The following KIAA1549L variants were observed in gnomAD, a reference collection of about 807,000 sequenced individuals.
KIAA1549L encodes UPF0606 protein KIAA1549L.
In KIAA1549L, 88 loss-of-function variants were observed where a neutral mutation model predicts 160.7. That is an observed-to-expected ratio of 0.55 (90% CI 0.46 to 0.65). The LOEUF (loss-of-function observed/expected upper bound fraction) is 0.65. Among genes scored for constraint, KIAA1549L ranks in the 30% least tolerant of loss-of-function variants. KIAA1549L has a pLI of 0.00. For missense variants in KIAA1549L, 2,258 were observed against 2,437.5 expected, an observed-to-expected ratio of 0.93 and a Z score of 1.55; for synonymous variants, 950 against 976.7, an observed-to-expected ratio of 0.97 and a Z score of 0.51.
intron 11 of KIAA1549L, 71 bp downstream of exon 11, chr11:33,583,572 C>A: frequency 1.4e-6 from 2 of 1,386,040 alleles, no homozygotes; most frequent in South Asian, 2.8e-5. Context: ...TTCCCTCTTG[C>A]CTTTTGAGGC....
rs531015990 is a variant in KIAA1549L, at chr11:33,452,029, G to A, written c.238+75140G>A. On this transcript the variant is annotated intron_variant, in intron 1 of 20. Coordinates refer to ENST00000658780, the MANE Select transcript of KIAA1549L (RefSeq NM_012194.3). ...CTGGGTGTGCCTCATTCCAAAAACC[G>A]ATGATTTTCCCCATTGTGCTATGCT... Among the ~76,000 whole-genome samples, 19 of 152,264 alleles carry A rather than the reference G, an allele frequency of 1.2e-4. No homozygotes were observed. In the East Asian group the frequency reaches 2.3e-3, roughly 19 times the overall value.
chr11:33,552,044 T>G, intron 5 of KIAA1549L, 64 bp from the exon 6 acceptor site: 4 of 1,581,272 alleles, frequency 2.5e-6, no homozygotes, highest in Non-Finnish European at 3.5e-6. Context: ...TTATGACCAC[T>G]GTTAAATCCA....
At chr11:33,587,157 C>T (rs1475987686) in intron 11 of KIAA1549L, among the ~76,000 whole-genome samples, 3 of 152,116 alleles carry the variant, frequency 2.0e-5, no homozygotes, top group Non-Finnish European at 4.4e-5. Flanking sequence ...TAAATACTAC[C>T]TATAAGTTGG....
intron 16 of KIAA1549L, among the ~76,000 whole-genome samples, chr11:33,621,086 T>C (rs1244659325): frequency 6.6e-6 from 1 of 152,138 alleles, no homozygotes; most frequent in African/African-American, 2.4e-5. Flanking sequence ...GCAAAAGCAC[T>C]GGGAGATTGA....
At chr11:33,489,034 C>T (rs80068412) in intron 1 of KIAA1549L, among the ~76,000 whole-genome samples, 2,822 of 152,328 alleles carry the variant, frequency 0.019, 82 homozygotes, top group African/African-American at 0.062. Flanking sequence ...TGTGAAAAAT[C>T]TGAATGCTGT....
intron 3 of KIAA1549L, among the ~76,000 whole-genome samples, chr11:33,547,404 A>G (rs987300266): frequency 1.3e-5 from 2 of 152,218 alleles, no homozygotes; most frequent in African/African-American, 4.8e-5. Context: ...TTGAGGCCGC[A>G]GCACCGAGCT....
intron 1 of KIAA1549L, among the ~76,000 whole-genome samples, chr11:33,387,908 G>A (rs1850204348): frequency 1.3e-5 from 2 of 152,152 alleles, no homozygotes; most frequent in African/African-American, 4.8e-5. Context: ...CCCAGCCAAC[G>A]ATTTTCATTC....
At chr11:33,377,384 T>C (rs1453605091) in intron 1 of KIAA1549L, among the ~76,000 whole-genome samples, 2 of 152,210 alleles carry the variant, frequency 1.3e-5, no homozygotes, top group Admixed American at 1.3e-4. Flanking sequence ...CTCCAATAAT[T>C]GCTTGCACCT....
chr11:33,464,511 T>TGTGTGTGTGTGC (rs1491348414), intron 1 of KIAA1549L, among the ~76,000 whole-genome samples: 1 of 139,472 alleles, frequency 7.2e-6, no homozygotes, highest in African/African-American at 2.7e-5. Flanking sequence ...TGTGTGTGTG[T>TGTGTGTGTGTGC]GCGTGCGCGC....
chr11:33,584,083 A>G (rs1441152291), intron 11 of KIAA1549L, among the ~76,000 whole-genome samples: 3 of 152,208 alleles, frequency 2.0e-5, no homozygotes, highest in Non-Finnish European at 4.4e-5. Flanking sequence ...GGCCCTAGAG[A>G]GCTCTCTTCC....
At chr11:33,532,469 T>G (rs1853796607) in intron 1 of KIAA1549L, among the ~76,000 whole-genome samples, 1 of 152,242 alleles carries the variant, frequency 6.6e-6, no homozygotes, top group Non-Finnish European at 1.5e-5. Flanking sequence ...TTTACGCGTA[T>G]CAGCTCATTT....
chr11:33,517,692 T>G (rs1853380023), intron 1 of KIAA1549L, among the ~76,000 whole-genome samples: 1 of 152,138 alleles, frequency 6.6e-6, no homozygotes, highest in African/African-American at 2.4e-5. Flanking sequence ...ACCACCCATT[T>G]TTAGGAAATA....
chr11:33,620,862 A>AT (rs1803873515), intron 16 of KIAA1549L, among the ~76,000 whole-genome samples: 1 of 152,210 alleles, frequency 6.6e-6, no homozygotes. Flanking sequence ...GAAAAAAAAA[A>AT]GTGAGTCATA....
At chr11:33,537,491 T>G (rs1853919725) in intron 1 of KIAA1549L, among the ~76,000 whole-genome samples, 1 of 152,056 alleles carries the variant, frequency 6.6e-6, no homozygotes, top group Non-Finnish European at 1.5e-5. Context: ...ATGAGATGAG[T>G]GAACCTAAAA....
intron 1 of KIAA1549L, among the ~76,000 whole-genome samples, chr11:33,488,612 A>G (rs1248017819): frequency 6.6e-6 from 1 of 152,230 alleles, no homozygotes; most frequent in Non-Finnish European, 1.5e-5. Flanking sequence ...TTTTGTGGGT[A>G]TGGAAATTGA....
At chr11:33,395,353 A>G (rs756910727) in intron 1 of KIAA1549L, among the ~76,000 whole-genome samples, 5 of 152,218 alleles carry the variant, frequency 3.3e-5, no homozygotes, top group African/African-American at 1.2e-4. Flanking sequence ...GTTGGGTGCT[A>G]TCTCAGGAAA....
chr11:33,405,677 A>G (rs938896888), intron 1 of KIAA1549L, among the ~76,000 whole-genome samples: 8 of 151,854 alleles, frequency 5.3e-5, no homozygotes, highest in Admixed American at 4.6e-4. Flanking sequence ...CCCCGTCTCT[A>G]CTAAAAATAC....
At chr11:33,559,951 CT>C (rs1370008014) in intron 7 of KIAA1549L, 40 bp downstream of exon 7, 1 of 1,588,762 alleles carries the variant, frequency 6.3e-7, no homozygotes, top group Non-Finnish European at 8.6e-7. Flanking sequence ...AGTGTTTCCC[CT>C]GTGGCCTTTC....
chr11:33,467,731 A>T (rs148899570), intron 1 of KIAA1549L, among the ~76,000 whole-genome samples: 2 of 152,334 alleles, frequency 1.3e-5, no homozygotes, highest in African/African-American at 4.8e-5. Flanking sequence ...CTGTGAGCTG[A>T]TAGAGGATGG....
Sources: gnomAD v4.1 joint callset for allele counts (sites outside exome capture counted in the v4.1 genomes callset) on GRCh38, gnomAD v4.1.1 for gene constraint, MANE v1.5 for transcripts, NCBI Gene and HGNC (gene_info 2026-07-23, HGNC 2026-07-21) for gene names.